Variants in WWOX observed in about 807,000 individuals in gnomAD.
WWOX encodes the protein WW domain containing oxidoreductase.
Under a neutral mutation model 46.2 loss-of-function variants are expected in WWOX, and 69 were observed. That is an observed-to-expected ratio of 1.49 (90% CI 1.23 to 1.82). The LOEUF is 1.82. Ranked by LOEUF, WWOX falls within the 40% of genes most tolerant of loss-of-function variation. The pLI is 0.00. For synonymous variants in WWOX, 359 were observed against 202.6 expected (o/e 1.77, Z -6.56); for missense variants, 919 against 542.6 (o/e 1.69, Z -6.89).
At chr16:78,840,417 A>G (rs1243902193) in intron 8 of WWOX, among the ~76,000 whole-genome samples, 2 of 152,302 alleles carry the variant, frequency 1.3e-5, no homozygotes, top group South Asian at 2.1e-4. Flanking sequence ...AGTCAATGCA[A>G]AAGTCCTCTT....
At chr16:78,454,672 A>AT (rs146012911) in intron 8 of WWOX, among the ~76,000 whole-genome samples, 28,144 of 151,352 alleles carry the variant, frequency 0.19, 4,039 homozygotes, top group African/African-American at 0.39. Flanking sequence ...TACCTGGGGA[A>AT]TTTTTTTTTG....
chr16:79,057,826 G>A (rs532136163), intron 8 of WWOX, among the ~76,000 whole-genome samples: 6 of 152,222 alleles, frequency 3.9e-5, no homozygotes, highest in South Asian at 4.1e-4. Context: ...GCCAAGTTCC[G>A]CTGAGACTCC....
chr16:79,083,109 T>C (rs2150585015), intron 8 of WWOX, among the ~76,000 whole-genome samples: 1 of 152,234 alleles, frequency 6.6e-6, no homozygotes, highest in East Asian at 1.9e-4. Flanking sequence ...ACCTGACACA[T>C]TTAAGGAACT....
chr16:78,499,333 T>G (rs1022299212), intron 8 of WWOX, among the ~76,000 whole-genome samples: 1 of 152,204 alleles, frequency 6.6e-6, no homozygotes, highest in Non-Finnish European at 1.5e-5. Context: ...CTGTAGTCTT[T>G]CTGGATGGGT....
chr16:79,022,964 G>C (rs2047564510), intron 8 of WWOX, among the ~76,000 whole-genome samples: 1 of 152,158 alleles, frequency 6.6e-6, no homozygotes, highest in East Asian at 1.9e-4. Context: ...ATAGGGTTTG[G>C]GGAGGATTAA....
intron 8 of WWOX, among the ~76,000 whole-genome samples, chr16:78,838,233 C>T (rs2052044336): frequency 6.6e-6 from 1 of 151,978 alleles, no homozygotes; most frequent in Non-Finnish European, 1.5e-5. Context: ...GAGGGCTGTG[C>T]CTTGGTCATT....
chr16:78,546,662 C>T (rs1445468399), intron 8 of WWOX, among the ~76,000 whole-genome samples: 3 of 152,190 alleles, frequency 2.0e-5, no homozygotes, highest in African/African-American at 4.8e-5. Context: ...TGAGTTAGTA[C>T]ATTCAGGATG....
chr16:78,905,687 T>C (rs2044944340), intron 8 of WWOX, among the ~76,000 whole-genome samples: 1 of 152,168 alleles, frequency 6.6e-6, no homozygotes, highest in South Asian at 2.1e-4. Flanking sequence ...CCAGCCAGAA[T>C]CCTTCCATTA....
At chr16:78,501,577 C>T (rs1239215086) in intron 8 of WWOX, among the ~76,000 whole-genome samples, 1 of 151,570 alleles carries the variant, frequency 6.6e-6, no homozygotes, top group East Asian at 1.9e-4. Flanking sequence ...TCCTCTGTCA[C>T]CCAGGCTGGA....
intron 8 of WWOX, among the ~76,000 whole-genome samples, chr16:78,822,002 G>A (rs151137573): frequency 6.6e-6 from 1 of 152,116 alleles, no homozygotes; most frequent in South Asian, 2.1e-4. Flanking sequence ...TCAGTCTCCT[G>A]AGTAGGTAGG....
At chr16:78,124,133 C>G (rs947770346) in intron 4 of WWOX, 3 of 151,970 alleles carry the variant, frequency 2.0e-5, no homozygotes, top group Non-Finnish European at 4.4e-5. Context: ...TAAATGGGGA[C>G]AAAAACGAAT....
chr16:78,141,428 T>G (rs1490323001), intron 4 of WWOX, among the ~76,000 whole-genome samples: 1 of 113,220 alleles, frequency 8.8e-6, no homozygotes, highest in Non-Finnish European at 1.9e-5. Flanking sequence ...ACCATCCCCC[T>G]TCTTTTTTTT....
chr16:78,103,844 T>C (rs2031959838), intron 1 of WWOX, among the ~76,000 whole-genome samples: 1 of 151,460 alleles, frequency 6.6e-6, no homozygotes, highest in Admixed American at 6.6e-5. Flanking sequence ...TGGAACCCGG[T>C]CTTGTGTGGG....
At chr16:78,867,671 G>C (rs953312613) in intron 8 of WWOX, among the ~76,000 whole-genome samples, 2 of 152,090 alleles carry the variant, frequency 1.3e-5, no homozygotes, top group African/African-American at 4.8e-5. Flanking sequence ...CTCACGAGTA[G>C]CTGGGATTTC....
intron 6 of WWOX, among the ~76,000 whole-genome samples, chr16:78,413,425 G>A (rs772036206): frequency 3.9e-5 from 6 of 152,150 alleles, no homozygotes; most frequent in African/African-American, 7.2e-5. Context: ...TGGCATAGGC[G>A]GTAGAGTTAG....
chr16:78,712,824 C>G (rs893033887), intron 8 of WWOX, among the ~76,000 whole-genome samples: 1 of 152,042 alleles, frequency 6.6e-6, no homozygotes, highest in Non-Finnish European at 1.5e-5. Context: ...GTAAATAATT[C>G]AAGATTGGAA....
chr16:78,214,515 C>G lies in WWOX; in HGVS notation c.516+50226C>G, dbSNP rs549097427. Among the ~76,000 whole-genome samples, 20 of 152,302 alleles carry G rather than the reference C, an allele frequency of 1.3e-4. No homozygotes were observed. In the East Asian group the frequency reaches 3.5e-3, roughly 27 times the overall value. ...TCCAAGTCTGATCTCCTCCCGAAGT[C>G]TCTTCCTGGACCTCAGCCCTCAGGG... On this transcript the variant is annotated intron_variant, in intron 5 of 8. Coordinates refer to ENST00000566780, the MANE Select transcript of WWOX (RefSeq NM_016373.4).
chr16:78,642,875 C>A (rs551655718), intron 8 of WWOX, among the ~76,000 whole-genome samples: 85 of 152,252 alleles, frequency 5.6e-4, no homozygotes, highest in Middle Eastern at 3.4e-3. Context: ...ATTCTGGAAT[C>A]CTACTGCCAA....
chr16:78,735,685 G>A (rs1472523336), intron 8 of WWOX, among the ~76,000 whole-genome samples: 3 of 152,160 alleles, frequency 2.0e-5, no homozygotes, highest in African/African-American at 7.2e-5. Flanking sequence ...GCGTCACCAC[G>A]GCCACCGTGA....
Sources: gnomAD v4.1 joint callset for allele counts (sites outside exome capture counted in the v4.1 genomes callset) on GRCh38, gnomAD v4.1.1 for gene constraint, MANE v1.5 for transcripts, NCBI Gene and HGNC (gene_info 2026-07-23, HGNC 2026-07-21) for gene names.